ADGRF5: variants seen among roughly 807,000 people sequenced by gnomAD.
ADGRF5 encodes adhesion G protein-coupled receptor F5.
Under a neutral mutation model 132.3 loss-of-function variants are expected in ADGRF5, and 75 were observed. That is an observed-to-expected ratio of 0.57 (90% CI 0.47 to 0.69). The LOEUF (loss-of-function observed/expected upper bound fraction) is 0.69, where lower values mean the gene tolerates loss of function less well. ADGRF5 is among the 30% of genes least tolerant of loss of function. The pLI is 0.00. For missense variants in ADGRF5, 1,516 were observed against 1,630.6 expected (o/e 0.93, Z 1.21); for synonymous variants, 629 against 597.6 (o/e 1.05, Z -0.77).
rs373790065 is a variant in ADGRF5 at position 46,867,115 on chromosome 6, T to C, written c.1644A>G (p.Arg548=). The part of the protein sequence containing the change: ...EWNGTYHCIF[R]YKNSYSIATK... ...TTGCAATACTGTATGAATTCTTATATCTAAATATGCAGTGATAGGTTCCTG... is the reference window on the plus strand; with the variant it reads ...TTGCAATACTGTATGAATTCTTATACCTAAATATGCAGTGATAGGTTCCTG... Residue 548 remains arginine, a synonymous_variant, in exon 13 of 21, where the codon AGA becomes AGG. Transcript: ENST00000283296. 2 of 1,608,688 alleles carry C rather than the reference T, an allele frequency of 1.2e-6. No homozygotes were observed. The highest frequency in any genetic ancestry group is 1.3e-5 in the African/African-American group (1 of 74,888).
Position 46,862,989 on chromosome 6 carries a change from T to A in ADGRF5, c.2098A>T (p.Ile700Phe). 6.2e-7 allele frequency: 1 copy of A among 1,613,560 alleles called. No individual in the cohort carries two copies. Among genetic ancestry groups the A allele is most frequent in the Non-Finnish European group, 8.5e-7 (1 of 1,179,586 alleles). Residue 700 changes from isoleucine to phenylalanine, a missense_variant, in exon 15 of 21, where the codon ATT (isoleucine) becomes TTT (phenylalanine). Ile to Phe is a conservative substitution (Grantham distance 21). Around this residue, in one of 2 missense-constraint regions of ADGRF5, gnomAD observed 945 missense variants for 929.4 expected, o/e 1.02. Coordinates refer to ENST00000283296, the MANE Select transcript of ADGRF5 (RefSeq NM_001098518.2). ...SNVPSSPESPIGGTITYKCVG... is the reference protein window; with the variant it reads ...SNVPSSPESPFGGTITYKCVG... ...CATTTGTAAGTGATGGTCCCGCCAA[T>A]GGGACTCTCAGGGCTGCTGGGAACG...
Position 46,888,371 on chromosome 6 carries a change from G to T in ADGRF5, c.292C>A (p.Gln98Lys). ...SFPIHGNNTDQITDILSINVT... is the reference protein window; with the variant it reads ...SFPIHGNNTDKITDILSINVT... ...TTTATGCTCAAAATGTCGGTAATTTGGTCAGTGTTATTCCCATGAATTGGA... is the reference window on the plus strand; with the variant it reads ...TTTATGCTCAAAATGTCGGTAATTTTGTCAGTGTTATTCCCATGAATTGGA... The change falls in exon 4 of 21, where the codon CAA becomes AAA. Residue 98 changes from glutamine (Q) to lysine (K), a missense_variant. Transcript: ENST00000283296. 6.2e-7 allele frequency: 1 copy of T among 1,610,962 alleles called. No homozygotes were observed. Among genetic ancestry groups the T allele is most frequent in the Non-Finnish European group, 8.5e-7 (1 of 1,177,178 alleles).
At chr6:46,926,926 A>C (rs1777277820), upstream of ADGRF5, among the ~76,000 whole-genome samples, 1 of 152,044 alleles carries the variant, frequency 6.6e-6, no homozygotes, top group African/African-American at 2.4e-5. Context: ...CTCCTGTTTT[A>C]ACCTCTACTT....
chr6:46,915,164 T>C (rs1776321057), intron 1 of ADGRF5, among the ~76,000 whole-genome samples: 1 of 152,022 alleles, frequency 6.6e-6, no homozygotes, highest in Admixed American at 6.6e-5. Context: ...CCCAGTTTGT[T>C]CTATACTCAA....
chr6:46,872,005 C>T lies in ADGRF5; in HGVS notation c.1249G>A (p.Glu417Lys), dbSNP rs1771116114. The T allele has an allele frequency of 6.3e-7, 1 of 1,596,862 alleles. No homozygotes were observed. Among genetic ancestry groups the T allele is most frequent in the African/African-American group, 1.3e-5 (1 of 74,614 alleles). Reference sequence around the variant, plus strand: ...CTGCAGCTAGAATCTATGTCTGTCTCAGGGGTTCCTATAATGAGAAGCAAA... The same window carrying T: ...CTGCAGCTAGAATCTATGTCTGTCTTAGGGGTTCCTATAATGAGAAGCAAA... ...EGKINIPGTP[E>K]TDIDSSCSRY... The change falls in exon 11 of 21, where the codon GAG (glutamate) becomes AAG (lysine). Residue 417 changes from glutamate (E) to lysine (K), a missense_variant. By Grantham distance (56) the Glu-to-Lys change is moderately conservative (BLOSUM62 1). This residue lies in a region of ADGRF5 where 945 missense variants were observed against 929.4 expected (regional missense o/e 1.02). Transcript: ENST00000283296.
rs1487747451 is a variant in ADGRF5, at chr6:46,858,443, C to T, written c.3460G>A (p.Glu1154Lys). ...VITLGATQPR[E>K]VYTRKNVCWL... ...CAGACATTCTTCCTCGTATAGACTT[C>T]CCGGGGCTGGGTGGCTCCCAGCGTG... The change falls in exon 17 of 21, where the codon GAA becomes AAA. Residue 1154 changes from glutamate to lysine, a missense_variant. By Grantham distance (56) the Glu-to-Lys change is moderately conservative. Coordinates refer to ENST00000283296, the MANE Select transcript of ADGRF5 (RefSeq NM_001098518.2). The T allele has an allele frequency of 6.2e-7, 1 of 1,613,920 alleles. No homozygotes were observed.
chr6:46,859,673 C>T (rs1769500986), intron 16 of ADGRF5, 150 bp from the exon 17 acceptor site: 1 of 603,172 alleles, frequency 1.7e-6, no homozygotes, highest in Non-Finnish European at 2.9e-6. Context: ...GGATGTATGA[C>T]CTTCTTATGG....
upstream of ADGRF5, among the ~76,000 whole-genome samples, chr6:46,925,371 CT>C (rs1407011244): frequency 6.6e-6 from 1 of 152,204 alleles, no homozygotes; most frequent in Non-Finnish European, 1.5e-5. Flanking sequence ...CACATCCCCC[CT>C]ACTTGCTTTA....
rs531378628 is a variant in ADGRF5 at position 46,926,981 on chromosome 6, C to T, written c.-24-20195G>A. ...GCGGGCACTCTCCAATGGCGGATAC[C>T]ATATACTGCAGTAACAGCGAGGCTG... On this transcript the variant is annotated intron_variant, in intron 1 of 20. Transcript: ENST00000265417. Among the ~76,000 whole-genome samples, 191 of 152,200 alleles carry T rather than the reference C, an allele frequency of 1.3e-3. 3 individuals carry two copies. The highest frequency in any genetic ancestry group is 4.5e-3 in the African/African-American group (187 of 41,506).
In ADGRF5 at chr6:46,854,055, G is replaced by A. The variant is rs754285982; in HGVS notation, c.3978C>T (p.Ser1326=). The change falls in exon 21 of 21, where the codon TCC becomes TCT. Residue 1326 remains serine (S), a synonymous_variant. Coordinates refer to ENST00000283296, the MANE Select transcript of ADGRF5 (RefSeq NM_001098518.2). ...GGGATGAGCTGGTTGCTTCTGGGGTGGAAACATTATACGTTCCTGAAAAAC... is the reference window on the plus strand; with the variant it reads ...GGGATGAGCTGGTTGCTTCTGGGGTAGAAACATTATACGTTCCTGAAAAAC... ...LFGKTGTYNV[S]TPEATSSSLE... 1.2e-6 allele frequency: 2 copies of A among 1,601,300 alleles called. No individual in the cohort carries two copies. Among genetic ancestry groups the A allele is most frequent in the South Asian group, 2.2e-5 (2 of 89,250 alleles).
intron 10 of ADGRF5, among the ~76,000 whole-genome samples, chr6:46,874,883 T>A (rs1470636812): frequency 6.6e-6 from 1 of 152,184 alleles, no homozygotes; most frequent in African/African-American, 2.4e-5. Flanking sequence ...CATTTTTGGT[T>A]GTTGTAACTG....
At chr6:46,943,999 C>T (rs1329186847) in intron 1 of ADGRF5, among the ~76,000 whole-genome samples, 2 of 152,286 alleles carry the variant, frequency 1.3e-5, no homozygotes, top group Admixed American at 6.5e-5. Context: ...CCAGTGTAAA[C>T]ACTTTTCTAA....
rs71536391 is a variant in ADGRF5 at position 46,877,225 on chromosome 6, CTCTTTCTTTCTTTCTT to C, written c.1240+961_1240+976del. 6.3e-4 allele frequency among the ~76,000 whole-genome samples: 83 copies of C among 131,768 alleles called. 1 individual carries two copies. The highest frequency in any genetic ancestry group is 7.6e-3 in the Middle Eastern group (2 of 262). The allele number at this position is 131,768 out of a possible 152,430, so 86.4% of individuals were successfully genotyped here. On this transcript the variant is annotated intron_variant, in intron 10 of 20. Transcript: ENST00000283296. Reference sequence around the variant, plus strand: ...TTTGGTGAGTCCTAATTTATTTCCTCTCTTTCTTTCTTTCTTTCTTTCTTTCTTTCTTTCTTTCTTT... The same window carrying C: ...TTTGGTGAGTCCTAATTTATTTCCTCTCTTTCTTTCTTTCTTTCTTTCTTT...
chr6:46,941,470 G>T lies in ADGRF5; in HGVS notation c.-25+13264C>A, dbSNP rs867111167. ...AGAAAAGAAAAGAAAAGAAAAGAAA[G>T]AAAAGAAAAGAAAAGAAAGAAAAGA... On this transcript the variant is annotated intron_variant, in intron 1 of 20. Coordinates refer to the ADGRF5 transcript ENST00000265417. 1.1e-4 allele frequency among the ~76,000 whole-genome samples: 12 copies of T among 107,876 alleles called. 1 individual carries two copies. Among genetic ancestry groups the T allele is most frequent in the Non-Finnish European group, 1.3e-4 (6 of 46,756 alleles). 70.8% of individuals were successfully genotyped at this position (107,876 alleles called of 152,430 possible). A position where few individuals can be genotyped will look rare whatever the true frequency, so the allele number is the denominator to read the frequency against.
rs76603231 is a variant in ADGRF5 at position 46,892,878 on chromosome 6, G to C, written c.158-4373C>G. ...TGTTCCTTGATTTAATGATTTACCT[G>C]TAATTTTACTATTTATTGAATGCCT... On this transcript the variant is annotated intron_variant, in intron 3 of 20. Transcript: ENST00000283296. Among the ~76,000 whole-genome samples, 5 of 152,204 alleles carry C rather than the reference G, an allele frequency of 3.3e-5. 1 individual carries two copies. Among genetic ancestry groups the C allele is most frequent in the Admixed American group, 6.5e-5 (1 of 15,286 alleles).
chr6:46,904,156 G>A (rs896657909), intron 2 of ADGRF5, among the ~76,000 whole-genome samples: 1 of 152,168 alleles, frequency 6.6e-6, no homozygotes, highest in East Asian at 1.9e-4. Context: ...ATTTGAAGAA[G>A]GTCTCTGGGC....
chr6:46,950,987 G>A (rs1024190042), intron 1 of ADGRF5, among the ~76,000 whole-genome samples: 1 of 152,170 alleles, frequency 6.6e-6, no homozygotes, highest in Non-Finnish European at 1.5e-5. Flanking sequence ...CCCACAACAT[G>A]CCTCTCATTA....
chr6:46,941,404 A>AAGAAAAGAAAAGAAAAGAAAAGAAAAG (rs1561838584), intron 1 of ADGRF5, among the ~76,000 whole-genome samples: 8 of 32,960 alleles, frequency 2.4e-4, no homozygotes, highest in African/African-American at 9.6e-4. Flanking sequence ...AAGAAAAGAA[A>AAGAAAAGAAAAGAAAAGAAAAGAAAAG]AGAAAAGAAA....
At chr6:46,889,409 T>G (rs544797300) in intron 3 of ADGRF5, among the ~76,000 whole-genome samples, 1 of 147,416 alleles carries the variant, frequency 6.8e-6, no homozygotes, top group South Asian at 2.1e-4. Context: ...ATAGTATATA[T>G]ACTACATAAA....
Sources: allele counts gnomAD v4.1 joint callset (sites outside exome capture counted in the v4.1 genomes callset), GRCh38; gene constraint gnomAD v4.1.1; regional missense constraint gnomAD v4.1.1; transcripts MANE v1.5; gene names NCBI Gene and HGNC (gene_info 2026-07-23, HGNC 2026-07-21).